Variants in CTNND2 observed in about 807,000 individuals in gnomAD.
CTNND2 encodes catenin delta-2.
Under a neutral mutation model 144.4 loss-of-function variants are expected in CTNND2, and 22 were observed. That is an observed-to-expected ratio of 0.15 (90% CI 0.11 to 0.22). CTNND2 has a LOEUF of 0.22. Ranked by LOEUF, CTNND2 falls within the 10% of genes least tolerant of loss-of-function variation. The pLI is 1.00. For synonymous variants in CTNND2, 751 were observed against 695.6 expected, an observed-to-expected ratio of 1.08 and a Z score of -1.25; for missense variants, 1,353 against 1,618.8, an observed-to-expected ratio of 0.84 and a Z score of 2.82.
chr5:11,132,514 G>A (rs1332367719), intron 12 of CTNND2, among the ~76,000 whole-genome samples: 2 of 152,128 alleles, frequency 1.3e-5, no homozygotes, highest in Non-Finnish European at 2.9e-5. Context: ...AGACACAGGA[G>A]TTGGCTGTCT....
intron 7 of CTNND2, among the ~76,000 whole-genome samples, chr5:11,379,946 C>T (rs1023782518): frequency 3.9e-5 from 6 of 152,110 alleles, no homozygotes; most frequent in Non-Finnish European, 5.9e-5. Flanking sequence ...AAACACTGAG[C>T]TGCCAGTTGT....
intron 3 of CTNND2, among the ~76,000 whole-genome samples, chr5:11,541,839 C>T (rs1371153533): frequency 6.2e-5 from 4 of 64,054 alleles, no homozygotes; most frequent in Admixed American, 1.9e-4. Flanking sequence ...TTATTATCGA[C>T]CCCCCCCCCC....
At chr5:11,605,948 GAGGCTAACCTGGATTATCC>G (rs1780022848) in intron 2 of CTNND2, among the ~76,000 whole-genome samples, 1 of 152,098 alleles carries the variant, frequency 6.6e-6, no homozygotes, top group Admixed American at 6.6e-5. Context: ...CTAAAATAGG[GAGGCTAACCTGGATTATCC>G]AGGTTAACCC....
chr5:11,432,090 C>T (rs1224600227), intron 3 of CTNND2, among the ~76,000 whole-genome samples: 4 of 146,080 alleles, frequency 2.7e-5, no homozygotes, highest in Non-Finnish European at 4.5e-5. Context: ...GGACTAGATG[C>T]ACTCCATACT....
intron 3 of CTNND2, among the ~76,000 whole-genome samples, chr5:11,466,661 A>G (rs887447709): frequency 1.3e-5 from 2 of 152,168 alleles, no homozygotes; most frequent in African/African-American, 2.4e-5. Context: ...TAAAAATGAC[A>G]ATTAAAAAAT....
chr5:11,736,221 T>C (rs1787676072), intron 1 of CTNND2, among the ~76,000 whole-genome samples: 1 of 152,190 alleles, frequency 6.6e-6, no homozygotes, highest in South Asian at 2.1e-4. Flanking sequence ...AACAGTGACC[T>C]GTCATAAAAA....
At chr5:11,614,994 T>C (rs955450428) in intron 2 of CTNND2, among the ~76,000 whole-genome samples, 1 of 152,188 alleles carries the variant, frequency 6.6e-6, no homozygotes, top group Admixed American at 6.5e-5. Flanking sequence ...CATTTAAACA[T>C]CATTTAGTAG....
chr5:11,589,095 G>C, intron 2 of CTNND2: 3 of 937,750 alleles, frequency 3.2e-6, no homozygotes, highest in Non-Finnish European at 3.8e-6. Context: ...GAAAAGAATA[G>C]AGTTCAGCCA....
At chr5:11,764,000 A>C (rs1156717422) in intron 1 of CTNND2, among the ~76,000 whole-genome samples, 1 of 152,106 alleles carries the variant, frequency 6.6e-6, no homozygotes, top group African/African-American at 2.4e-5. Context: ...GGCACATGAA[A>C]GTTAGGTTTC....
In CTNND2 at chr5:11,604,723, A is replaced by C. The variant is rs560743988; in HGVS notation, c.175-39667T>G. On this transcript the variant is annotated intron_variant, in intron 2 of 21. Coordinates refer to ENST00000304623, the MANE Select transcript of CTNND2 (RefSeq NM_001332.4). Reference sequence around the variant, plus strand: ...ATTACCTGGACTCAATTAATCACCCATGTCCCAAGATCTCAAAAAATATTC... The same window carrying C: ...ATTACCTGGACTCAATTAATCACCCCTGTCCCAAGATCTCAAAAAATATTC... Among the ~76,000 whole-genome samples the C allele has an allele frequency of 8.9e-4, 135 of 152,292 alleles. 1 individual carries two copies. Among genetic ancestry groups the C allele is most frequent in the African/African-American group, 3.2e-3 (131 of 41,562 alleles).
intron 12 of CTNND2, among the ~76,000 whole-genome samples, chr5:11,139,377 G>A (rs1228868040): frequency 6.6e-6 from 1 of 152,204 alleles, no homozygotes; most frequent in African/African-American, 2.4e-5. Context: ...AAAGCACGCT[G>A]ACAGTGGCTG....
chr5:11,131,311 C>G (rs1404981348), intron 12 of CTNND2, among the ~76,000 whole-genome samples: 1 of 152,126 alleles, frequency 6.6e-6, no homozygotes, highest in African/African-American at 2.4e-5. Flanking sequence ...AAATAATGAG[C>G]AATACCAATG....
intron 2 of CTNND2, among the ~76,000 whole-genome samples, chr5:11,729,595 C>A (rs1353338237): frequency 6.6e-6 from 1 of 152,160 alleles, no homozygotes; most frequent in Non-Finnish European, 1.5e-5. Context: ...TTCAACTCTT[C>A]ACCAAGCCAT....
rs184695918 is a variant in CTNND2 at position 11,586,683 on chromosome 5, T to C, written c.175-21627A>G. On this transcript the variant is annotated intron_variant, in intron 2 of 21. Coordinates refer to ENST00000304623, the MANE Select transcript of CTNND2 (RefSeq NM_001332.4). ...CATATATATTTAACAATGAAAATTC[T>C]TTTTTCTTAATTGTGTGGATAAAAT... 1.7e-3 allele frequency among the ~76,000 whole-genome samples: 265 copies of C among 152,334 alleles called. 1 individual carries two copies. Among genetic ancestry groups the C allele is most frequent in the Non-Finnish European group, 3.1e-3 (211 of 68,026 alleles).
intron 2 of CTNND2, among the ~76,000 whole-genome samples, chr5:11,682,437 T>C (rs1784456645): frequency 6.6e-6 from 1 of 152,330 alleles, no homozygotes; most frequent in East Asian, 1.9e-4. Flanking sequence ...GATAGATTCC[T>C]AAAAATGTGA....
At chr5:11,819,360 G>C (rs1181648306) in intron 1 of CTNND2, among the ~76,000 whole-genome samples, 3 of 152,126 alleles carry the variant, frequency 2.0e-5, no homozygotes, top group Non-Finnish European at 4.4e-5. Flanking sequence ...CTTGAGCCCA[G>C]GAGGCAAGAG....
intron 2 of CTNND2, among the ~76,000 whole-genome samples, chr5:11,582,019 C>G (rs147519199): frequency 6.6e-6 from 1 of 152,098 alleles, no homozygotes; most frequent in Non-Finnish European, 1.5e-5. Flanking sequence ...CTTTTACTGA[C>G]CAAGGACTGA....
intron 19 of CTNND2, 131 bp downstream of exon 19, chr5:10,992,420 C>T: frequency 5.4e-6 from 7 of 1,293,358 alleles, no homozygotes; most frequent in Non-Finnish European, 7.7e-6. Flanking sequence ...AGAACAGATT[C>T]ATTTCCTACT....
intron 1 of CTNND2, among the ~76,000 whole-genome samples, chr5:11,847,983 T>C (rs1355098861): frequency 1.3e-5 from 2 of 152,034 alleles, no homozygotes; most frequent in East Asian, 3.8e-4. Context: ...AGAATTATGT[T>C]AAAAAGTTAT....
Sources: gnomAD v4.1 joint callset for allele counts (sites outside exome capture counted in the v4.1 genomes callset) on GRCh38, gnomAD v4.1.1 for gene constraint, MANE v1.5 for transcripts, NCBI Gene and HGNC (gene_info 2026-07-23, HGNC 2026-07-21) for gene names.